ADGRB3: variants seen among roughly 807,000 people sequenced by gnomAD.
ADGRB3 encodes the protein brain-specific angiogenesis inhibitor 3.
A neutral mutation model predicts 193.4 loss-of-function variants in ADGRB3; 37 were observed. The observed-to-expected ratio is 0.19, with a 90% CI of 0.15 to 0.25. The LOEUF (loss-of-function observed/expected upper bound fraction) is 0.25, where lower values mean the gene tolerates loss of function less well. Among genes scored for constraint, ADGRB3 ranks in the 10% least tolerant of loss-of-function variants. The pLI, the probability that ADGRB3 is intolerant of heterozygous loss-of-function variation, is 1.00. For synonymous variants in ADGRB3, 690 were observed against 644.2 expected, an observed-to-expected ratio of 1.07 and a Z score of -1.08; for missense variants, 1,637 against 1,852.9, an observed-to-expected ratio of 0.88 and a Z score of 2.14.
At chr6:68,904,017 AAG>A (rs1286547844) in intron 3 of ADGRB3, among the ~76,000 whole-genome samples, 1 of 134,574 alleles carries the variant, frequency 7.4e-6, no homozygotes, top group Admixed American at 7.7e-5. Context: ...AGGGGAGAAG[AAG>A]AGAGAGTAAA....
At position 68,763,819 on chromosome 6, in the gene ADGRB3, T is replaced by C. The variant is rs534267116; in HGVS notation, c.757+124387T>C. 4.6e-5 allele frequency among the ~76,000 whole-genome samples: 7 copies of C among 152,276 alleles called. No homozygotes were observed. In the South Asian group the frequency reaches 8.3e-4, roughly 18 times the overall value. On this transcript the variant is annotated intron_variant, in intron 3 of 31. Transcript: ENST00000370598. ...CGGTGGTGGTGGCTCACACCTGTAA[T>C]CCCAGGACTTTGGGAGGCCGAGGCA...
At chr6:68,879,330 C>T (rs9346258) in intron 3 of ADGRB3, among the ~76,000 whole-genome samples, 132,058 of 151,112 alleles carry the variant, frequency 0.87, 57,954 homozygotes, top group Middle Eastern at 0.95. Context: ...CATTCTGCTG[C>T]GTCAGCCTCC....
chr6:69,033,855 A>G (rs941937422), intron 13 of ADGRB3, among the ~76,000 whole-genome samples: 1 of 152,116 alleles, frequency 6.6e-6, no homozygotes, highest in Admixed American at 6.5e-5. Context: ...ATCCTACAAT[A>G]ACAAGATTTA....
chr6:68,784,231 T>C (rs1416698196), intron 3 of ADGRB3, among the ~76,000 whole-genome samples: 5 of 152,126 alleles, frequency 3.3e-5, no homozygotes, highest in Non-Finnish European at 7.4e-5. Context: ...AAGGTGAAAC[T>C]GTTGCCGTAA....
chr6:68,974,775 T>A lies in ADGRB3; in HGVS notation c.1538T>A (p.Ile513Lys). 6.2e-7 allele frequency: 1 copy of A among 1,613,834 alleles called. No individual in the cohort carries two copies. The highest frequency in any genetic ancestry group is 8.5e-7 in the Non-Finnish European group (1 of 1,179,822). Residue 513 changes from isoleucine (I) to lysine (K), a missense_variant, in exon 9 of 32, where the codon ATA (isoleucine) becomes AAA (lysine). Physicochemically the swap from Ile to Lys is moderately radical, Grantham distance 102. This residue lies in a region of ADGRB3 where 641 missense variants were observed against 673.9 expected (regional missense o/e 0.95). Transcript: ENST00000370598. ...NEQRCPAPYEICPEDYLMSMV... is the reference protein window; with the variant it reads ...NEQRCPAPYEKCPEDYLMSMV... ...TTTAAAATTGCAGCACCTTATGAAA[T>A]ATGCCCTGAGGATTATCTGATGTCG... is the stretch of plus-strand genomic sequence containing the variant.
At chr6:69,177,638 G>A (rs550130503) in intron 17 of ADGRB3, among the ~76,000 whole-genome samples, 40 of 152,214 alleles carry the variant, frequency 2.6e-4, no homozygotes, top group African/African-American at 9.4e-4. Context: ...GAGCCACCAC[G>A]CCCAGCCTAT....
At chr6:68,695,525 T>G (rs1204781231) in intron 3 of ADGRB3, among the ~76,000 whole-genome samples, 2 of 152,020 alleles carry the variant, frequency 1.3e-5, no homozygotes, top group African/African-American at 4.8e-5. Context: ...CATTCCAAGA[T>G]GGCGTCAGGA....
chr6:69,124,868 G>A (rs1773812377), intron 17 of ADGRB3, among the ~76,000 whole-genome samples: 1 of 141,654 alleles, frequency 7.1e-6, no homozygotes, highest in African/African-American at 2.6e-5. Flanking sequence ...TCTATTTCCT[G>A]GTATTTTCAG....
chr6:68,876,304 A>C (rs1765592263), intron 3 of ADGRB3, among the ~76,000 whole-genome samples: 1 of 152,152 alleles, frequency 6.6e-6, no homozygotes, highest in Non-Finnish European at 1.5e-5. Flanking sequence ...CTTCTTTCTA[A>C]GTATTGAAAC....
At chr6:69,301,280 G>A (rs1047999663) in intron 20 of ADGRB3, among the ~76,000 whole-genome samples, 1 of 151,674 alleles carries the variant, frequency 6.6e-6, no homozygotes, top group African/African-American at 2.4e-5. Context: ...TACAAACACA[G>A]ATTATATTCA....
chr6:68,850,222 T>C, intron 3 of ADGRB3, among the ~76,000 whole-genome samples: 1 of 151,964 alleles, frequency 6.6e-6, no homozygotes, highest in Non-Finnish European at 1.5e-5. Flanking sequence ...TGTGTTTTTT[T>C]TAATTTATCT....
At chr6:69,115,435 G>T (rs2150327292) in intron 17 of ADGRB3, among the ~76,000 whole-genome samples, 1 of 152,170 alleles carries the variant, frequency 6.6e-6, no homozygotes, top group East Asian at 1.9e-4. Context: ...GCACACCCTG[G>T]GGCCAGACTG....
chr6:68,909,172 ACAAAACACAGTC>A (rs906272979), intron 3 of ADGRB3, among the ~76,000 whole-genome samples: 22 of 152,332 alleles, frequency 1.4e-4, no homozygotes, highest in African/African-American at 4.8e-4. Flanking sequence ...GTGCTTCCTC[ACAAAACACAGTC>A]CAAAACTTGG....
intron 20 of ADGRB3, among the ~76,000 whole-genome samples, chr6:69,315,092 A>G (rs1768284404): frequency 6.6e-6 from 1 of 151,544 alleles, no homozygotes; most frequent in Non-Finnish European, 1.5e-5. Context: ...ACATCTATTT[A>G]TTTGTCACAC....
At chr6:68,936,498 T>A (rs1259403057) in intron 4 of ADGRB3, 21 bp from the exon 5 acceptor site, 1 of 1,610,672 alleles carries the variant, frequency 6.2e-7, no homozygotes, top group South Asian at 1.1e-5. Flanking sequence ...ATTTCATGTT[T>A]ATTTGTTGTC....
rs1229443706 is a variant in ADGRB3 at position 68,875,110 on chromosome 6, CT to C, written c.758-55447del. Among the ~76,000 whole-genome samples, 141 of 113,580 alleles carry C rather than the reference CT, an allele frequency of 1.2e-3. 5 individuals carry two copies. Among genetic ancestry groups the C allele is most frequent in the African/African-American group, 3.9e-3 (131 of 33,348 alleles). The allele number at this position is 113,580 out of a possible 152,430, so 74.5% of individuals were successfully genotyped here. ...TCATTTCTTTCTCCTTCCTTCCTTC[CT>C]TCCTTTCTTTCCTTCTTTCTTTCTT... On this transcript the variant is annotated intron_variant, in intron 3 of 31. Transcript: ENST00000370598.
intron 3 of ADGRB3, among the ~76,000 whole-genome samples, chr6:68,816,020 T>A (rs897495064): frequency 6.6e-6 from 1 of 151,848 alleles, no homozygotes; most frequent in Non-Finnish European, 1.5e-5. Flanking sequence ...AAGCATCCAC[T>A]CCTGGAAGAA....
At chr6:69,173,766 G>A (rs910839216) in intron 17 of ADGRB3, among the ~76,000 whole-genome samples, 1 of 152,106 alleles carries the variant, frequency 6.6e-6, no homozygotes, top group African/African-American at 2.4e-5. Context: ...GGATAAAAAA[G>A]GTCAGAGAAT....
At chr6:68,932,615 G>C (rs992510311) in intron 4 of ADGRB3, among the ~76,000 whole-genome samples, 1 of 151,674 alleles carries the variant, frequency 6.6e-6, no homozygotes, top group African/African-American at 2.4e-5. Context: ...ACTTTTTTAA[G>C]GTGTTAAGGT....
Sources: gnomAD v4.1 joint callset for allele counts (sites outside exome capture counted in the v4.1 genomes callset) on GRCh38, gnomAD v4.1.1 for gene constraint, gnomAD v4.1.1 regional missense constraint, MANE v1.5 for transcripts, NCBI Gene and HGNC (gene_info 2026-07-23, HGNC 2026-07-21) for gene names.